The following CERS6 variants were observed in gnomAD, a reference collection of about 807,000 sequenced individuals.
CERS6 encodes the protein ceramide synthase 6.
A neutral mutation model predicts 56.8 loss-of-function variants in CERS6; 26 were observed. The ratio of observed to expected loss-of-function variants is 0.46; its 90% CI spans 0.34 to 0.63. The LOEUF is 0.63. Among genes scored for constraint, CERS6 ranks in the 30% least tolerant of loss-of-function variants. The pLI, the probability that CERS6 is intolerant of heterozygous loss-of-function variation, is 0.01. For synonymous variants in CERS6, 164 were observed against 173.3 expected (o/e 0.95, Z 0.42); for missense variants, 415 against 467.5 (o/e 0.89, Z 1.04).
chr2:168,621,415 G>A (rs747777944), intron 3 of CERS6, among the ~76,000 whole-genome samples: 1 of 152,008 alleles, frequency 6.6e-6, no homozygotes, highest in Non-Finnish European at 1.5e-5. Flanking sequence ...CACAAATTTT[G>A]GTCATTCAAA....
At chr2:168,767,854 C>G (rs561182509) in intron 9 of CERS6, among the ~76,000 whole-genome samples, 1 of 152,232 alleles carries the variant, frequency 6.6e-6, no homozygotes, top group South Asian at 2.1e-4. Context: ...AGCCCACCCC[C>G]TAGAGAATCA....
chr2:168,745,324 G>A (rs189285410), intron 8 of CERS6, among the ~76,000 whole-genome samples: 1 of 151,768 alleles, frequency 6.6e-6, no homozygotes, highest in Non-Finnish European at 1.5e-5. Context: ...TCACTGCAAG[G>A]TCCGCCTCCT....
At chr2:168,504,951 C>A (rs367864958) in intron 1 of CERS6, among the ~76,000 whole-genome samples, 2 of 152,074 alleles carry the variant, frequency 1.3e-5, no homozygotes, top group Non-Finnish European at 2.9e-5. Flanking sequence ...GTGTATCAGG[C>A]GGTTCTCTTA....
At chr2:168,767,839 TC>T (rs1684761207) in intron 9 of CERS6, among the ~76,000 whole-genome samples, 1 of 152,012 alleles carries the variant, frequency 6.6e-6, no homozygotes, top group Admixed American at 6.5e-5. Context: ...CTTTGCCACC[TC>T]CCCAGCCCAC....
At chr2:168,603,420 A>G (rs563375090) in intron 3 of CERS6, among the ~76,000 whole-genome samples, 1 of 152,334 alleles carries the variant, frequency 6.6e-6, no homozygotes, top group Admixed American at 6.5e-5. Context: ...ATGACTATCA[A>G]TAGGTATGTA....
intron 1 of CERS6, among the ~76,000 whole-genome samples, chr2:168,523,250 C>T (rs10930330): frequency 1.3e-5 from 2 of 152,014 alleles, no homozygotes; most frequent in Non-Finnish European, 2.9e-5. Flanking sequence ...TATCTTTTAC[C>T]GCAAGGAAGG....
intron 3 of CERS6, among the ~76,000 whole-genome samples, chr2:168,568,499 A>G (rs921877365): frequency 6.6e-6 from 1 of 152,264 alleles, no homozygotes; most frequent in Non-Finnish European, 1.5e-5. Flanking sequence ...CATAATGTTC[A>G]TACAGAATTG....
intron 8 of CERS6, among the ~76,000 whole-genome samples, chr2:168,755,427 C>G (rs943097042): frequency 6.6e-6 from 1 of 152,132 alleles, no homozygotes; most frequent in Non-Finnish European, 1.5e-5. Flanking sequence ...GTGTGTGACT[C>G]TCAGCATGGA....
intron 1 of CERS6, among the ~76,000 whole-genome samples, chr2:168,513,856 C>G (rs776144366): frequency 6.6e-6 from 1 of 151,998 alleles, no homozygotes; most frequent in African/African-American, 2.4e-5. Flanking sequence ...GAGGTGGAGC[C>G]GGACCAGAGC....
At chr2:168,512,034 G>T (rs1694797230) in intron 1 of CERS6, among the ~76,000 whole-genome samples, 1 of 152,082 alleles carries the variant, frequency 6.6e-6, no homozygotes, top group Non-Finnish European at 1.5e-5. Flanking sequence ...GCTACAACAA[G>T]GGTTGAACCC....
intron 1 of CERS6, among the ~76,000 whole-genome samples, chr2:168,540,327 C>T (rs1372194787): frequency 1.3e-5 from 2 of 152,084 alleles, no homozygotes; most frequent in Non-Finnish European, 2.9e-5. Context: ...TTAATTGACT[C>T]ACAGTTCTGC....
intron 3 of CERS6, among the ~76,000 whole-genome samples, chr2:168,569,731 G>A (rs1451450293): frequency 1.3e-5 from 2 of 152,166 alleles, no homozygotes; most frequent in African/African-American, 2.4e-5. Context: ...GGTGGTGAAG[G>A]CAGTGGGCTG....
At chr2:168,624,334 G>A (rs1418582450) in intron 3 of CERS6, among the ~76,000 whole-genome samples, 1 of 152,098 alleles carries the variant, frequency 6.6e-6, no homozygotes, top group East Asian at 1.9e-4. Context: ...TAATTTATGT[G>A]CTAAAATTTT....
chr2:168,597,776 T>G (rs1241369784), intron 3 of CERS6, among the ~76,000 whole-genome samples: 1 of 152,246 alleles, frequency 6.6e-6, no homozygotes, highest in Non-Finnish European at 1.5e-5. Context: ...TGAAATAATT[T>G]ATTCAAAGCC....
intron 4 of CERS6, among the ~76,000 whole-genome samples, chr2:168,682,097 C>G (rs1156498620): frequency 6.6e-6 from 1 of 152,124 alleles, no homozygotes; most frequent in African/African-American, 2.4e-5. Flanking sequence ...GCAGATATCT[C>G]TTTGACATAC....
intron 3 of CERS6, among the ~76,000 whole-genome samples, chr2:168,587,156 C>T (rs1322358034): frequency 2.6e-5 from 4 of 150,980 alleles, no homozygotes; most frequent in African/African-American, 4.9e-5. Flanking sequence ...CTGGGCTGAG[C>T]GATAGAGCAA....
intron 1 of CERS6, among the ~76,000 whole-genome samples, chr2:168,495,342 TCAAAA>T (rs772766266): frequency 1.5e-4 from 23 of 152,310 alleles, no homozygotes; most frequent in Non-Finnish European, 2.8e-4. Flanking sequence ...TTATTTAAAG[TCAAAA>T]CAATAGTCAC....
chr2:168,736,791 A>G (rs1443558502), intron 8 of CERS6, among the ~76,000 whole-genome samples: 1 of 152,232 alleles, frequency 6.6e-6, no homozygotes, highest in African/African-American at 2.4e-5. Context: ...GAGCTGATGC[A>G]TGTGTAAGGA....
At chr2:168,552,712 G>T (rs535704487) in intron 2 of CERS6, among the ~76,000 whole-genome samples, 271 of 152,266 alleles carry the variant, frequency 1.8e-3, no homozygotes, top group Middle Eastern at 0.017. Flanking sequence ...CACGTGGAGG[G>T]TATGTTTTCA....
Sources: gnomAD v4.1 joint callset for allele counts (sites outside exome capture counted in the v4.1 genomes callset) on GRCh38, gnomAD v4.1.1 for gene constraint, MANE v1.5 for transcripts, NCBI Gene and HGNC (gene_info 2026-07-23, HGNC 2026-07-21) for gene names.